Variants in COL23A1 observed in about 807,000 individuals in gnomAD.
The protein encoded by COL23A1 is collagen alpha-1(XXIII) chain.
Under a neutral mutation model 99.3 loss-of-function variants are expected in COL23A1, and 97 were observed. The observed-to-expected ratio is 0.98, with a 90% CI of 0.83 to 1.16. The LOEUF is 1.16. COL23A1 is among the 50% of genes most tolerant of loss of function. COL23A1 has a pLI of 0.00. For missense variants in COL23A1, 762 were observed against 757.4 expected (o/e 1.01, Z -0.07); for synonymous variants, 320 against 308.2 (o/e 1.04, Z -0.40).
chr5:178,404,564 G>A (rs1007801870), intron 2 of COL23A1, among the ~76,000 whole-genome samples: 12 of 151,346 alleles, frequency 7.9e-5, no homozygotes, highest in Non-Finnish European at 1.3e-4. Flanking sequence ...ATTCCTTATG[G>A]TGAACCTGGC....
intron 2 of COL23A1, among the ~76,000 whole-genome samples, chr5:178,549,740 G>T (rs7734633): frequency 6.6e-6 from 1 of 152,072 alleles, no homozygotes; most frequent in Non-Finnish European, 1.5e-5. Flanking sequence ...GCTTGAATCC[G>T]GGAGGCAGAG....
Position 178,365,309 on chromosome 5 carries a change from A to G in COL23A1, c.362-58390T>C, listed in dbSNP as rs999002199. Among the ~76,000 whole-genome samples the G allele has an allele frequency of 1.3e-5, 2 of 151,554 alleles. No individual in the cohort carries two copies. Among genetic ancestry groups the G allele is most frequent in the African/African-American group, 4.9e-5 (2 of 41,234 alleles). On this transcript the variant is annotated intron_variant, in intron 2 of 28. Transcript: ENST00000390654. This position sits in a 1 kb window ranked among gnomAD's most constrained non-coding sequence, Gnocchi z 5.2. ...GTGCTTTGATGCATGGGGTAGAGGA[A>G]CCCTAGGAGGCACTGAGACCTCGGT...
chr5:178,494,520 T>C (rs1758097189), intron 2 of COL23A1, among the ~76,000 whole-genome samples: 1 of 152,092 alleles, frequency 6.6e-6, no homozygotes, highest in Non-Finnish European at 1.5e-5. Flanking sequence ...TTACTAAAAA[T>C]GCAAAGTAGC....
chr5:178,285,336 A>G (rs893403718), intron 5 of COL23A1, among the ~76,000 whole-genome samples: 2 of 152,214 alleles, frequency 1.3e-5, no homozygotes, highest in African/African-American at 2.4e-5. Context: ...GCACAAAGAG[A>G]AAAAAGTAAG....
At chr5:178,369,689 C>T (rs1241259838) in intron 2 of COL23A1, among the ~76,000 whole-genome samples, 1 of 152,182 alleles carries the variant, frequency 6.6e-6, no homozygotes, top group Non-Finnish European at 1.5e-5. Context: ...TCTTTGCTTG[C>T]TGCCATCCAT....
Position 178,554,539 on chromosome 5 carries a change from G to A in COL23A1, c.361+6143C>T, listed in dbSNP as rs62391100. Among the ~76,000 whole-genome samples, 542 of 152,296 alleles carry A rather than the reference G, an allele frequency of 3.6e-3. 1 individual carries two copies. Among genetic ancestry groups the A allele is most frequent in the Non-Finnish European group, 6.1e-3 (418 of 68,024 alleles). Reference sequence around the variant, plus strand: ...TTACACCTTTGCAAACCACCTGGCGGTGACTGGGCCAGCCGTCACCGGAAG... The same window carrying A: ...TTACACCTTTGCAAACCACCTGGCGATGACTGGGCCAGCCGTCACCGGAAG... On this transcript the variant is annotated intron_variant, in intron 2 of 28. Coordinates refer to ENST00000390654, the MANE Select transcript of COL23A1 (RefSeq NM_173465.4).
chr5:178,504,551 T>C (rs1013932092), intron 2 of COL23A1, among the ~76,000 whole-genome samples: 4 of 152,160 alleles, frequency 2.6e-5, no homozygotes, highest in Admixed American at 1.3e-4. Context: ...CAGGCTGGGC[T>C]CTCAGTGGGT....
At chr5:178,520,057 GTGGATGGA>G (rs572272226) in intron 2 of COL23A1, among the ~76,000 whole-genome samples, 2 of 152,026 alleles carry the variant, frequency 1.3e-5, no homozygotes, top group Non-Finnish European at 2.9e-5. Flanking sequence ...AGATGCATGG[GTGGATGGA>G]TGGATGGATG....
chr5:178,304,427 T>C (rs1398194516), intron 3 of COL23A1, among the ~76,000 whole-genome samples: 1 of 147,498 alleles, frequency 6.8e-6, no homozygotes, highest in Non-Finnish European at 1.5e-5. Context: ...TGAGAATCGC[T>C]TGAATCTGGG....
At chr5:178,568,078 A>G (rs1581654460) in intron 1 of COL23A1, among the ~76,000 whole-genome samples, 1 of 152,274 alleles carries the variant, frequency 6.6e-6, no homozygotes, top group Non-Finnish European at 1.5e-5. Context: ...GGATGCCATG[A>G]ACATGGCAAT....
At position 178,262,262 on chromosome 5, in the gene COL23A1, T is replaced by C. The variant is rs752703798; in HGVS notation, c.640-10A>G. On this transcript the variant is annotated splice_polypyrimidine_tract_variant and intron_variant, in intron 9 of 28. Coordinates refer to ENST00000390654, the MANE Select transcript of COL23A1 (RefSeq NM_173465.4). The stretch of plus-strand genomic sequence containing the variant: ...GCTCTCCTTTGGGGCCCTGCGGAAG[T>C]GTGAGGGGACAGCAGTGAAGGATGC... The C allele has an allele frequency of 6.3e-7, 1 of 1,578,896 alleles. No homozygotes were observed. The highest frequency in any genetic ancestry group is 1.9e-5 in the Admixed American group (1 of 54,016).
At chr5:178,545,779 C>T (rs1394700131) in intron 2 of COL23A1, among the ~76,000 whole-genome samples, 8 of 152,142 alleles carry the variant, frequency 5.3e-5, no homozygotes, top group Non-Finnish European at 1.0e-4. Context: ...CCTATCACCC[C>T]CACATCCCAC....
intron 5 of COL23A1, among the ~76,000 whole-genome samples, chr5:178,286,641 C>T (rs1757169399): frequency 6.6e-6 from 1 of 152,242 alleles, no homozygotes; most frequent in South Asian, 2.1e-4. Flanking sequence ...CCATCCGCAC[C>T]CAGCCTCCTG....
intron 2 of COL23A1, among the ~76,000 whole-genome samples, chr5:178,371,675 C>G (rs1244555210): frequency 6.6e-6 from 1 of 152,180 alleles, no homozygotes; most frequent in African/African-American, 2.4e-5. Context: ...ACAGTTCTCC[C>G]TCCTGTGACA....
At chr5:178,531,766 G>T (rs538965418) in intron 2 of COL23A1, among the ~76,000 whole-genome samples, 12 of 152,290 alleles carry the variant, frequency 7.9e-5, no homozygotes, top group South Asian at 6.2e-4. Flanking sequence ...GCTTCCCACT[G>T]CCCTGCTAGG....
At chr5:178,267,809 G>GT (rs1253641206) in intron 7 of COL23A1, among the ~76,000 whole-genome samples, 3 of 152,232 alleles carry the variant, frequency 2.0e-5, no homozygotes, top group Non-Finnish European at 4.4e-5. Flanking sequence ...CGGCAGGAAG[G>GT]TAATCAGGAC....
chr5:178,496,162 G>T (rs1758188679), intron 2 of COL23A1, among the ~76,000 whole-genome samples: 1 of 152,134 alleles, frequency 6.6e-6, no homozygotes, highest in African/African-American at 2.4e-5. Flanking sequence ...TAATATGAGG[G>T]ATTAAAATAC....
intron 2 of COL23A1, among the ~76,000 whole-genome samples, chr5:178,421,250 T>A (rs1765619717): frequency 6.6e-5 from 10 of 152,162 alleles, no homozygotes; most frequent in Admixed American, 5.9e-4. Context: ...AAAATATTTC[T>A]CTATAGGAGA....
At position 178,280,426 on chromosome 5, in the gene COL23A1, C is replaced by T. The variant is rs2973765; in HGVS notation, c.441+7898G>A. Among the ~76,000 whole-genome samples, 138,042 of 152,122 alleles carry T rather than the reference C, an allele frequency of 0.91. 62,891 individuals are homozygous for T. The highest frequency in any genetic ancestry group is 0.96 in the Non-Finnish European group (65,063 of 68,018). On this transcript the variant is annotated intron_variant, in intron 5 of 28. Transcript: ENST00000390654. The surrounding 1 kb of genome is among the most constrained non-coding windows in gnomAD (Gnocchi z 4.9). The stretch of plus-strand genomic sequence containing the variant: ...TGAAGGGGCCGAGGCTTGGCGGGGC[C>T]AGGGACGTGCCTGAGGCCACATGGA...
Sources: gnomAD v4.1 joint callset for allele counts (sites outside exome capture counted in the v4.1 genomes callset) on GRCh38, gnomAD v4.1.1 for gene constraint, Gnocchi (gnomAD v3.1) non-coding constraint, MANE v1.5 for transcripts, NCBI Gene and HGNC (gene_info 2026-07-23, HGNC 2026-07-21) for gene names.